The following PER3 variants were observed in gnomAD, a reference collection of about 807,000 sequenced individuals.
The protein encoded by PER3 is period circadian regulator 3, also known as period circadian protein homolog 3.
A neutral mutation model predicts 127.2 loss-of-function variants in PER3; 107 were observed. The observed-to-expected ratio is 0.84, with a 90% CI of 0.72 to 0.99. The LOEUF (loss-of-function observed/expected upper bound fraction) is 0.99. PER3 is among the 50% of genes least tolerant of loss of function. The probability of loss-of-function intolerance (pLI) is 0.00; values close to 1 mark genes in which losing one functional copy is unlikely to be tolerated. For missense variants in PER3, 1,560 were observed against 1,525.8 expected (o/e 1.02, Z -0.37); for synonymous variants, 618 against 585.8 (o/e 1.05, Z -0.79).
Position 7,827,282 on chromosome 1 carries a change from T to C in PER3, c.2353T>C (p.Ser785Pro). The C allele has an allele frequency of 1.9e-6, 3 of 1,613,718 alleles. No individual in the cohort carries two copies. The highest frequency in any genetic ancestry group is 2.5e-6 in the Non-Finnish European group (3 of 1,179,884). Residue 785 changes from serine (S) to proline (P), a missense_variant, in exon 18 of 22, where the codon TCT becomes CCT. This residue lies in a region of PER3 where 1,332 missense variants were observed against 1,223.6 expected (regional missense o/e 1.09). Transcript: ENST00000377532. ...GCCCTGCTGCCCCTCCGCGGCCTCC[T>C]CTCCGCACACCTCGAGCCCGACCTT... ...AQPCCPSAAS[S>P]PHTSSPTFPP...
intron 16 of PER3, 115 bp downstream of exon 16, chr1:7,820,755 T>C: frequency 1.3e-6 from 1 of 792,274 alleles, no homozygotes; most frequent in Non-Finnish European, 2.0e-6. Flanking sequence ...TACACATATT[T>C]TTTCCTTTCT....
Position 7,786,772 on chromosome 1 carries a change from A to T in PER3, c.326A>T (p.Asp109Val). Residue 109 changes from aspartate to valine, a missense_variant, in exon 4 of 22, where the codon GAT becomes GTT. Coordinates refer to ENST00000377532, the MANE Select transcript of PER3 (RefSeq NM_001377275.1). ...AGTCAGAATGGAGCACCTCAGGCAG[A>T]TGTGAGCATGTACAGTCTTGAGGAG... ...ILSQNGAPQA[D>V]VSMYSLEELA... 1 of 1,612,800 alleles carries T rather than the reference A, an allele frequency of 6.2e-7. No homozygotes were observed. Among genetic ancestry groups the T allele is most frequent in the Non-Finnish European group, 8.5e-7 (1 of 1,178,782 alleles).
rs1030465195 is a variant in PER3, at chr1:7,843,646, T to A, written c.*891T>A. 1 of 152,950 alleles carries A rather than the reference T, an allele frequency of 6.5e-6. No individual in the cohort carries two copies. The highest frequency in any genetic ancestry group is 1.5e-5 in the Non-Finnish European group (1 of 68,346). The allele number at this position is 152,950 out of a possible 1,614,324, so 9.5% of individuals were successfully genotyped here. ...AAAACAGTTAACTCTTTCTTTCCAA[T>A]CAATTTATACAAAAGAGGTCGCTCC... On this transcript the variant is annotated 3_prime_UTR_variant, in exon 22 of 22. Transcript: ENST00000377532.
chr1:7,805,266 C>T (rs776414566), intron 10 of PER3, among the ~76,000 whole-genome samples: 1 of 152,160 alleles, frequency 6.6e-6, no homozygotes, highest in Non-Finnish European at 1.5e-5. Context: ...TACTTGACTC[C>T]AGTATCATGC....
At chr1:7,815,622 A>C (rs1262083141) in intron 13 of PER3, among the ~76,000 whole-genome samples, 1 of 152,182 alleles carries the variant, frequency 6.6e-6, no homozygotes, top group Non-Finnish European at 1.5e-5. Flanking sequence ...AAATCCTCAA[A>C]TGTTCAGAAA....
At position 7,831,476 on chromosome 1, in the gene PER3, G is replaced by A. The variant is rs1387933241; in HGVS notation, c.3214+1315G>A. Among the ~76,000 whole-genome samples the A allele has an allele frequency of 4.6e-5, 7 of 152,248 alleles. 1 individual carries two copies. In the South Asian group the frequency reaches 1.0e-3, roughly 23 times the overall value. Reference sequence around the variant, plus strand: ...CTCATTGAACTGGCTAGGACCCACAGTGAAGTGTTTAATAGAAATAGGAAA... The same window carrying A: ...CTCATTGAACTGGCTAGGACCCACAATGAAGTGTTTAATAGAAATAGGAAA... On this transcript the variant is annotated intron_variant, in intron 19 of 21. Transcript: ENST00000377532.
chr1:7,837,140 C>T lies in PER3; in HGVS notation c.3540C>T (p.Ile1180=), dbSNP rs771801156. The T allele has an allele frequency of 9.3e-6, 15 of 1,612,848 alleles. No individual in the cohort carries two copies. In the Admixed American group the frequency reaches 1.7e-4, roughly 18 times the overall value. ...WIQSQTVTQE[I]DIQACVTCEN... ...AAAGCCAGACTGTCACTCAAGAAAT[C>T]GACATTCAAGTAAGCACAGTAATAA... is the stretch of plus-strand genomic sequence containing the variant. The change falls in exon 21 of 22, where the codon ATC becomes ATT. Residue 1180 remains isoleucine (I), a synonymous_variant. Transcript: ENST00000377532.
At chr1:7,788,811 C>T (rs892843545) in intron 5 of PER3, among the ~76,000 whole-genome samples, 2 of 151,160 alleles carry the variant, frequency 1.3e-5, no homozygotes, top group South Asian at 2.1e-4. Flanking sequence ...GGTTGAGGCA[C>T]GAGAAGCACT....
chr1:7,790,139 T>C (rs952371324), intron 5 of PER3, among the ~76,000 whole-genome samples: 2 of 152,244 alleles, frequency 1.3e-5, no homozygotes, highest in Non-Finnish European at 2.9e-5. Flanking sequence ...TTTTCATTTT[T>C]GCTGATTACT....
At chr1:7,820,723 C>T (rs2097272761) in intron 16 of PER3, 83 bp downstream of exon 16, 14 of 1,118,100 alleles carry the variant, frequency 1.3e-5, no homozygotes, top group East Asian at 7.4e-5. Context: ...GAATACCATT[C>T]GCTCGGTTGT....
Position 7,784,975 on chromosome 1 carries a change from T to G in PER3, c.98T>G (p.Leu33Arg), listed in dbSNP as rs977810040. Residue 33 changes from leucine to arginine, a missense_variant, in exon 2 of 22, where the codon CTG (leucine) becomes CGG (arginine). By Grantham distance (102) the Leu-to-Arg change is moderately radical (BLOSUM62 -2). Transcript: ENST00000377532. ...SGERWSPEFH[L>R]QRKLADSSHS... is the part of the protein sequence containing the mutation. ...GAGCGGTGGAGCCCCGAGTTCCATC[T>G]GCAGAGGAAATTGGCGGACAGCAGC... The G allele has an allele frequency of 6.4e-7, 1 of 1,565,690 alleles. No individual in the cohort carries two copies. The highest frequency in any genetic ancestry group is 1.4e-5 in the African/African-American group (1 of 70,664).
chr1:7,812,814 T>C (rs1358942441), intron 13 of PER3, among the ~76,000 whole-genome samples: 1 of 152,114 alleles, frequency 6.6e-6, no homozygotes, highest in Non-Finnish European at 1.5e-5. Flanking sequence ...GGAGAACCAA[T>C]GTTTCTGGGA....
intron 5 of PER3, among the ~76,000 whole-genome samples, chr1:7,793,037 T>C (rs2097129083): frequency 6.6e-6 from 1 of 152,260 alleles, no homozygotes; most frequent in South Asian, 2.1e-4. Context: ...GACTCTTCTG[T>C]GATCGTCTCT....
chr1:7,800,227 T>TC (rs2097164638), intron 7 of PER3, among the ~76,000 whole-genome samples: 1 of 149,276 alleles, frequency 6.7e-6, no homozygotes, highest in Non-Finnish European at 1.5e-5. Flanking sequence ...TTTTTTTTTT[T>TC]CTTGAGTCTC....
At chr1:7,819,165 G>A (rs866424660) in intron 13 of PER3, 120 bp from the exon 14 acceptor site, 33 of 750,270 alleles carry the variant, frequency 4.4e-5, no homozygotes, top group African/African-American at 4.4e-4. Context: ...TTTAATAGCC[G>A]CATGATATTC....
At position 7,826,413 on chromosome 1, in the gene PER3, TAAC is replaced by T. The variant is rs2097301742; in HGVS notation, c.1958-64_1958-62del. On this transcript the variant is annotated intron_variant, in intron 16 of 21. Transcript: ENST00000377532. This position sits in a 1 kb window ranked among gnomAD's most constrained non-coding sequence, Gnocchi z 4.2. ...TTGTAAAAATGTATCAAAAGGCAGTTAACAAAGTAAAATAAATACAAATAATTG... is the reference window on the plus strand; with the variant it reads ...TTGTAAAAATGTATCAAAAGGCAGTTAAAGTAAAATAAATACAAATAATTG... 1 of 895,226 alleles carries T rather than the reference TAAC, an allele frequency of 1.1e-6. No individual in the cohort carries two copies. The highest frequency in any genetic ancestry group is 1.8e-6 in the Non-Finnish European group (1 of 554,738). The allele number at this position is 895,226 out of a possible 1,614,324, so 55.5% of individuals were successfully genotyped here.
chr1:7,795,726 ATTTCAG>A (rs2097142455), intron 6 of PER3, among the ~76,000 whole-genome samples: 1 of 152,208 alleles, frequency 6.6e-6, no homozygotes, highest in Admixed American at 6.5e-5. Context: ...GAAGTGTTTT[ATTTCAG>A]TTTATCACTT....
Position 7,819,380 on chromosome 1 carries a change from C to T in PER3, c.1618C>T (p.Pro540Ser). 1 of 1,613,628 alleles carries T rather than the reference C, an allele frequency of 6.2e-7. No individual in the cohort carries two copies. Among genetic ancestry groups the T allele is most frequent in the Non-Finnish European group, 8.5e-7 (1 of 1,179,538 alleles). Residue 540 changes from proline (P) to serine (S), a missense_variant, in exon 14 of 22, where the codon CCA (proline) becomes TCA (serine). Around this residue, in one of 3 missense-constraint regions of PER3, gnomAD observed 1,332 missense variants for 1,223.6 expected, o/e 1.09. Coordinates refer to ENST00000377532, the MANE Select transcript of PER3 (RefSeq NM_001377275.1). ...CEDLRNDEHS[P>S]SYQQINCIDS... ...GGATTTGAGGAACGATGAGCACAGCCCATCCTATCAACAGATCAACTGTAT... is the reference window on the plus strand; with the variant it reads ...GGATTTGAGGAACGATGAGCACAGCTCATCCTATCAACAGATCAACTGTAT...
chr1:7,789,297 A>G (rs1329066150), intron 5 of PER3, among the ~76,000 whole-genome samples: 1 of 152,110 alleles, frequency 6.6e-6, no homozygotes, highest in African/African-American at 2.4e-5. Context: ...AACTCCCACA[A>G]TTCCCATGTG....
Sources: allele counts gnomAD v4.1 joint callset (sites outside exome capture counted in the v4.1 genomes callset), GRCh38; gene constraint gnomAD v4.1.1; regional missense constraint gnomAD v4.1.1; non-coding constraint Gnocchi (gnomAD v3.1); transcripts MANE v1.5; gene names NCBI Gene and HGNC (gene_info 2026-07-23, HGNC 2026-07-21).